Variants in ASTN2 observed in about 807,000 individuals in gnomAD.
ASTN2 encodes astrotactin-2.
A neutral mutation model predicts 139.8 loss-of-function variants in ASTN2; 54 were observed. The observed-to-expected ratio is 0.39, with a 90% CI of 0.31 to 0.48. The LOEUF (loss-of-function observed/expected upper bound fraction) is 0.48, where lower values mean the gene tolerates loss of function less well. Ranked by LOEUF, ASTN2 falls within the 20% of genes least tolerant of loss-of-function variation. ASTN2 has a pLI of 0.95. For synonymous variants in ASTN2, 756 were observed against 719.5 expected (o/e 1.05, Z -0.81); for missense variants, 1,565 against 1,725.1 (o/e 0.91, Z 1.64).
At chr9:117,297,441 T>A (rs1834763936) in intron 1 of ASTN2, among the ~76,000 whole-genome samples, 1 of 152,228 alleles carries the variant, frequency 6.6e-6, no homozygotes, top group Non-Finnish European at 1.5e-5. Context: ...ATCTCTAAAA[T>A]GCTTAATTAA....
intron 19 of ASTN2, among the ~76,000 whole-genome samples, chr9:116,544,675 A>G (rs1363971496): frequency 6.6e-6 from 1 of 152,172 alleles, no homozygotes; most frequent in Admixed American, 6.5e-5. Flanking sequence ...AGTTAAGGAC[A>G]TACAGACCTC....
chr9:117,372,380 A>G (rs1325192979), intron 1 of ASTN2, among the ~76,000 whole-genome samples: 2 of 152,130 alleles, frequency 1.3e-5, no homozygotes, highest in Non-Finnish European at 2.9e-5. Context: ...CTTCTGATGC[A>G]ATGGCTAGAT....
chr9:117,388,040 C>G (rs1416944), intron 1 of ASTN2, among the ~76,000 whole-genome samples: 111,580 of 151,994 alleles, frequency 0.73, 41,265 homozygotes, highest in East Asian at 0.84. Context: ...CTTTGGGCCC[C>G]TTCACCCTTC....
intron 22 of ASTN2, among the ~76,000 whole-genome samples, chr9:116,436,153 G>GAATC (rs1426715482): frequency 6.6e-6 from 1 of 151,958 alleles, no homozygotes; most frequent in African/African-American, 2.4e-5. Flanking sequence ...ATGAATCAAT[G>GAATC]AATCAATCAA....
chr9:117,143,160 A>G (rs1318179886), intron 3 of ASTN2, among the ~76,000 whole-genome samples: 2 of 152,180 alleles, frequency 1.3e-5, no homozygotes, highest in African/African-American at 4.8e-5. Context: ...TATGATTGCT[A>G]AGGTAAAAAG....
At chr9:116,487,170 G>A (rs1170910345) in intron 20 of ASTN2, among the ~76,000 whole-genome samples, 189 bp downstream of exon 20, 1 of 152,112 alleles carries the variant, frequency 6.6e-6, no homozygotes, top group Non-Finnish European at 1.5e-5. Context: ...GACTCACCTG[G>A]TGTGATTCTG....
intron 2 of ASTN2, among the ~76,000 whole-genome samples, chr9:117,289,876 G>A (rs987766185): frequency 6.6e-6 from 1 of 152,178 alleles, no homozygotes; most frequent in African/African-American, 2.4e-5. Context: ...ATGAGCATGC[G>A]TAAGGTCCAA....
chr9:116,464,288 GT>G (rs1449868035), intron 20 of ASTN2, among the ~76,000 whole-genome samples: 2 of 152,132 alleles, frequency 1.3e-5, no homozygotes, highest in African/African-American at 4.8e-5. Context: ...TGTATGTGAA[GT>G]GGCAATGCAG....
intron 5 of ASTN2, among the ~76,000 whole-genome samples, chr9:117,049,517 T>C (rs1268471362): frequency 6.6e-6 from 1 of 152,200 alleles, no homozygotes; most frequent in African/African-American, 2.4e-5. Context: ...CAGAGCCCAA[T>C]AATCAACTGG....
At chr9:117,024,871 A>AGTTTCCCCCATACT (rs1838010998) in intron 6 of ASTN2, among the ~76,000 whole-genome samples, 1 of 148,454 alleles carries the variant, frequency 6.7e-6, no homozygotes, top group African/African-American at 2.6e-5. Flanking sequence ...AATTATGGGC[A>AGTTTCCCCCATACT]GTTTCCCCCA....
Position 116,980,831 on chromosome 9 carries a change from A to G in ASTN2, c.1592-4046T>C, listed in dbSNP as rs561931541. Among the ~76,000 whole-genome samples, 7 of 152,312 alleles carry G rather than the reference A, an allele frequency of 4.6e-5. No homozygotes were observed. In the South Asian group the frequency reaches 1.4e-3, roughly 32 times the overall value. ...CTTCTTGACAGATGAAAAGCCTCTGACAGCCAGAGCTGAGGGTAATTAACC... is the reference window on the plus strand; with the variant it reads ...CTTCTTGACAGATGAAAAGCCTCTGGCAGCCAGAGCTGAGGGTAATTAACC... On this transcript the variant is annotated intron_variant, in intron 7 of 22. Coordinates refer to ENST00000313400, the MANE Select transcript of ASTN2 (RefSeq NM_001365068.1).
At chr9:116,959,663 G>A (rs1835822825) in intron 10 of ASTN2, among the ~76,000 whole-genome samples, 1 of 152,124 alleles carries the variant, frequency 6.6e-6, no homozygotes, top group Non-Finnish European at 1.5e-5. Context: ...AGCTCAGAAA[G>A]GACAGCCAGG....
intron 11 of ASTN2, among the ~76,000 whole-genome samples, chr9:116,851,479 T>TATCTATCTATCCATCC (rs1554754225): frequency 5.2e-4 from 26 of 50,238 alleles, no homozygotes; most frequent in African/African-American, 2.1e-3. Flanking sequence ...AACATCTATC[T>TATCTATCTATCCATCC]ATCTATCTAT....
At chr9:116,742,027 C>T (rs1829108593) in intron 13 of ASTN2, among the ~76,000 whole-genome samples, 1 of 152,176 alleles carries the variant, frequency 6.6e-6, no homozygotes, top group Non-Finnish European at 1.5e-5. Flanking sequence ...AATCTCTGTC[C>T]TCCAGTTACT....
intron 5 of ASTN2, among the ~76,000 whole-genome samples, chr9:117,065,746 A>G (rs1198824593): frequency 6.6e-6 from 1 of 152,168 alleles, no homozygotes; most frequent in East Asian, 1.9e-4. Flanking sequence ...CTGCATCTCT[A>G]TGCCTATCTA....
rs533615187 is a variant in ASTN2 at position 116,887,107 on chromosome 9, T to C, written c.1890-23374A>G. The stretch of plus-strand genomic sequence containing the variant: ...ATTGTGAATAATGTGCTAAGTTCCT[T>C]ATTTGAATATAGGGACATTATGCCT... On this transcript the variant is annotated intron_variant, in intron 10 of 22. Coordinates refer to ENST00000313400, the MANE Select transcript of ASTN2 (RefSeq NM_001365068.1). 5.9e-5 allele frequency among the ~76,000 whole-genome samples: 9 copies of C among 152,280 alleles called. No homozygotes were observed. In the South Asian group the frequency reaches 1.9e-3, roughly 32 times the overall value.
intron 10 of ASTN2, among the ~76,000 whole-genome samples, chr9:116,947,315 G>C (rs1025379422): frequency 6.6e-6 from 1 of 152,072 alleles, no homozygotes; most frequent in Admixed American, 6.6e-5. Flanking sequence ...GAATGTGAAC[G>C]TCTCACAGAG....
intron 2 of ASTN2, among the ~76,000 whole-genome samples, chr9:117,259,969 G>A (rs1394454298): frequency 6.6e-6 from 1 of 152,100 alleles, no homozygotes; most frequent in Non-Finnish European, 1.5e-5. Context: ...CTCAATAAAA[G>A]CTTTCTACCT....
intron 5 of ASTN2, among the ~76,000 whole-genome samples, chr9:117,082,998 C>A (rs1828468623): frequency 6.6e-6 from 1 of 152,104 alleles, no homozygotes; most frequent in African/African-American, 2.4e-5. Flanking sequence ...ACATTAGTTC[C>A]TCTTTTCTTT....
Sources: gnomAD v4.1 joint callset for allele counts (sites outside exome capture counted in the v4.1 genomes callset) on GRCh38, gnomAD v4.1.1 for gene constraint, MANE v1.5 for transcripts, NCBI Gene and HGNC (gene_info 2026-07-23, HGNC 2026-07-21) for gene names.